The following EML1 variants were observed in gnomAD, a reference collection of about 807,000 sequenced individuals.
EML1 encodes the protein EMAP like 1.
A neutral mutation model predicts 110.4 loss-of-function variants in EML1; 27 were observed. The ratio of observed to expected loss-of-function variants is 0.24; its 90% CI spans 0.18 to 0.34. The LOEUF (loss-of-function observed/expected upper bound fraction) is 0.34. Ranked by LOEUF, EML1 falls within the 10% of genes least tolerant of loss-of-function variation. EML1 has a pLI of 1.00. For missense variants in EML1, 741 were observed against 1,030.9 expected (o/e 0.72, Z 3.85); for synonymous variants, 344 against 385.8 (o/e 0.89, Z 1.27).
At chr14:99,783,856 G>T (rs987366796) in intron 1 of EML1, among the ~76,000 whole-genome samples, 3 of 152,192 alleles carry the variant, frequency 2.0e-5, no homozygotes, top group Non-Finnish European at 4.4e-5. Context: ...TGGGATGAGT[G>T]GTTGCCCTAA....
chr14:99,876,150 A>G (rs2059287087), intron 3 of EML1, among the ~76,000 whole-genome samples: 1 of 148,998 alleles, frequency 6.7e-6, no homozygotes, highest in African/African-American at 2.5e-5. Flanking sequence ...AGAGAGGGGA[A>G]GGAAGGAAGA....
intron 1 of EML1, among the ~76,000 whole-genome samples, chr14:99,848,836 G>A (rs927060022): frequency 4.0e-5 from 6 of 151,800 alleles, no homozygotes; most frequent in Non-Finnish European, 5.9e-5. Flanking sequence ...GGTGGGGTGC[G>A]CCTGTAGTCC....
chr14:99,786,036 G>T (rs1254877766), intron 1 of EML1, among the ~76,000 whole-genome samples: 3 of 138,050 alleles, frequency 2.2e-5, no homozygotes, highest in Non-Finnish European at 4.5e-5. Flanking sequence ...TCAACATGGA[G>T]CCTACAGTCC....
chr14:99,783,309 A>G (rs1324500990), intron 1 of EML1, among the ~76,000 whole-genome samples: 3 of 151,666 alleles, frequency 2.0e-5, no homozygotes, highest in East Asian at 1.9e-4. Context: ...TGTCCCTACA[A>G]AGGACATGAA....
At chr14:99,824,252 G>A (rs1244044145) in intron 1 of EML1, among the ~76,000 whole-genome samples, 2 of 152,172 alleles carry the variant, frequency 1.3e-5, no homozygotes, top group East Asian at 1.9e-4. Context: ...GAGCCACCAC[G>A]CCCGGCTCCA....
At chr14:99,914,441 G>A (rs1199817575) in intron 14 of EML1, 125 bp from the exon 15 acceptor site, 2 of 1,528,190 alleles carry the variant, frequency 1.3e-6, no homozygotes, top group African/African-American at 2.8e-5. Flanking sequence ...CTGAAAGATG[G>A]GAGGAGAGAA....
chr14:99,910,091 C>G (rs557529609), intron 11 of EML1, 151 bp from the exon 12 acceptor site: 1 of 532,266 alleles, frequency 1.9e-6, no homozygotes, highest in Admixed American at 3.6e-5. Flanking sequence ...GACAGAAATG[C>G]AAGGTGTGCA....
intron 1 of EML1, chr14:99,809,564 G>C: frequency 2.2e-6 from 1 of 447,016 alleles, no homozygotes; most frequent in Non-Finnish European, 4.5e-6. Flanking sequence ...AGCTTTCTGG[G>C]TCCATCCCAG....
Position 99,914,710 on chromosome 14 carries a change from A to G in EML1, c.1752+13A>G, listed in dbSNP as rs376656883. ...CAAAATAATAGAGGTAAACATGCAC[A>G]TTACATTTCCATTTTTCTTACAGAA... On this transcript the variant is annotated intron_variant, in intron 15 of 21. Transcript: ENST00000262233. 1.4e-5 allele frequency: 22 copies of G among 1,593,888 alleles called. No individual in the cohort carries two copies. The highest frequency in any genetic ancestry group is 1.4e-4 in the African/African-American group (10 of 73,874).
In EML1 at chr14:99,941,970, C is replaced by T. The variant is rs1350590103; in HGVS notation, c.*1858C>T. 6.6e-6 allele frequency: 1 copy of T among 152,156 alleles called. No individual in the cohort carries two copies. The highest frequency in any genetic ancestry group is 1.5e-5 in the Non-Finnish European group (1 of 68,040). 9.4% of individuals were successfully genotyped at this position (152,156 alleles called of 1,614,324 possible). A position where few individuals can be genotyped will look rare whatever the true frequency, so the allele number is the denominator to read the frequency against. On this transcript the variant is annotated 3_prime_UTR_variant, in exon 22 of 22. Coordinates refer to ENST00000262233, the MANE Select transcript of EML1 (RefSeq NM_004434.3). ...ACATCTACTATTTTAGATAAATGTA[C>T]TGTTATATATATATGTAAACTACTA... is the stretch of plus-strand genomic sequence containing the variant.
At chr14:99,831,309 A>G (rs1238856049) in intron 1 of EML1, among the ~76,000 whole-genome samples, 1 of 152,146 alleles carries the variant, frequency 6.6e-6, no homozygotes, top group Non-Finnish European at 1.5e-5. Context: ...ATCCGGTCGT[A>G]GTCTCACTCT....
At chr14:99,745,149 T>C (rs577123990) in intron 1 of EML1, among the ~76,000 whole-genome samples, 11 of 152,224 alleles carry the variant, frequency 7.2e-5, no homozygotes, top group African/African-American at 2.6e-4. Context: ...CACTGCAACC[T>C]CTGCCTCCCG....
At chr14:99,815,115 A>G (rs1173823462) in intron 1 of EML1, among the ~76,000 whole-genome samples, 2 of 149,736 alleles carry the variant, frequency 1.3e-5, no homozygotes, top group African/African-American at 4.9e-5. Context: ...CCCTTATGCT[A>G]AAACTGGGAT....
chr14:99,817,899 G>A (rs1272954210), intron 1 of EML1, among the ~76,000 whole-genome samples: 1 of 152,134 alleles, frequency 6.6e-6, no homozygotes, highest in African/African-American at 2.4e-5. Context: ...AGCCCAGCTT[G>A]GTATTCTGGT....
chr14:99,848,759 T>TCAAGACCAGCCTGGGCA (rs2058743704), intron 1 of EML1, among the ~76,000 whole-genome samples: 1 of 152,030 alleles, frequency 6.6e-6, no homozygotes, highest in Non-Finnish European at 1.5e-5. Flanking sequence ...GGCCATGGAT[T>TCAAGACCAGCCTGGGCA]CAAGACCAGC....
chr14:99,748,287 GC>G (rs1206357412), intron 1 of EML1, among the ~76,000 whole-genome samples: 2 of 152,198 alleles, frequency 1.3e-5, no homozygotes, highest in African/African-American at 4.8e-5. Flanking sequence ...TCCGGAGCTT[GC>G]CCCGAGGCTG....
chr14:99,786,061 C>CAAAAA (rs56240053), intron 1 of EML1, among the ~76,000 whole-genome samples: 6 of 120,386 alleles, frequency 5.0e-5, no homozygotes, highest in African/African-American at 1.2e-4. Context: ...CCTGGCTGCT[C>CAAAAA]AAAAAAAAAA....
intron 17 of EML1, among the ~76,000 whole-genome samples, chr14:99,932,646 T>TAA (rs10681463): frequency 0.4 from 53,210 of 134,114 alleles, 12,912 homozygotes; most frequent in African/African-American, 0.69. Context: ...GACTCCATCT[T>TAA]AAAAAAAAAA....
chr14:99,756,510 G>A (rs1235495547), intron 1 of EML1, among the ~76,000 whole-genome samples: 1 of 152,194 alleles, frequency 6.6e-6, no homozygotes, highest in Non-Finnish European at 1.5e-5. Flanking sequence ...GGGCTTTGGG[G>A]AAACCTTTAC....
Sources: gnomAD v4.1 joint callset for allele counts (sites outside exome capture counted in the v4.1 genomes callset) on GRCh38, gnomAD v4.1.1 for gene constraint, MANE v1.5 for transcripts, NCBI Gene and HGNC (gene_info 2026-07-23, HGNC 2026-07-21) for gene names.